The following ZCCHC18 variants were observed in gnomAD, a reference collection of about 807,000 sequenced individuals.
The protein encoded by ZCCHC18 is zinc finger CCHC domain-containing protein 18.
For missense variants in ZCCHC18, 292 were observed against 305.1 expected, an observed-to-expected ratio of 0.96 and a Z score of 0.32; for synonymous variants, 112 against 115.7, an observed-to-expected ratio of 0.97 and a Z score of 0.21.
At position 104,113,835 on chromosome X, in the gene ZCCHC18, T is replaced by A; in HGVS notation, c.-277T>A. The stretch of plus-strand genomic sequence containing the variant: ...CTAGCCCAGGGACACCTGCTAGCTC[T>A]GGAATGTTGTAATTGCCAGTCTCCT... On this transcript the variant is annotated 5_prime_UTR_variant, in exon 3 of 3. Transcript: ENST00000650639. 6.2e-6 allele frequency: 2 copies of A among 324,927 alleles called. No individual in the cohort carries two copies. Among genetic ancestry groups the A allele is most frequent in the East Asian group, 1.2e-4 (2 of 17,201 alleles). The allele number at this position is 324,927 out of a possible 1,213,427, so 26.8% of individuals were successfully genotyped here. A position where few individuals can be genotyped will look rare whatever the true frequency, so the allele number is the denominator to read the frequency against.
Position 104,113,985 on chromosome X carries a change from T to TG in ZCCHC18, c.-127_-126insG. 2.8e-6 allele frequency: 3 copies of TG among 1,084,416 alleles called. No homozygotes were observed. Among genetic ancestry groups the TG allele is most frequent in the Middle Eastern group, 5.9e-4 (2 of 3,382 alleles). The allele number at this position is 1,084,416 out of a possible 1,213,427, so 89.4% of individuals were successfully genotyped here. A position where few individuals can be genotyped will look rare whatever the true frequency, so the allele number is the denominator to read the frequency against. On this transcript the variant is annotated 5_prime_UTR_variant, in exon 3 of 3. An upstream open reading frame in the 5' UTR gains an earlier in-frame stop. Coordinates refer to ENST00000650639, the MANE Select transcript of ZCCHC18 (RefSeq NM_001143978.3). ...ATCTTATTAACCTTTTTTACTTTCCTTAGAATCCCTACTGAAATATAAGGC... is the reference window on the plus strand; with the variant it reads ...ATCTTATTAACCTTTTTTACTTTCCTGTAGAATCCCTACTGAAATATAAGGC...
At position 104,115,168 on chromosome X, in the gene ZCCHC18, G is replaced by A. The variant is rs782806420; in HGVS notation, c.1057G>A (p.Gly353Arg). Residue 353 changes from glycine (G) to arginine (R), a missense_variant, in exon 3 of 3, where the codon GGG becomes AGG. Gly to Arg is a moderately radical substitution (Grantham distance 125). Coordinates refer to ENST00000650639, the MANE Select transcript of ZCCHC18 (RefSeq NM_001143978.3). Reference sequence around the variant, plus strand: ...ATACACAACCCGCTGCTCATATTGTGGGGAGGAGGGCCACTCAAAAGAAAC... The same window carrying A: ...ATACACAACCCGCTGCTCATATTGTAGGGAGGAGGGCCACTCAAAAGAAAC... ...RKYTTRCSYC[G>R]EEGHSKETCD... 1 of 1,209,291 alleles carries A rather than the reference G, an allele frequency of 8.3e-7. No homozygotes were observed. The highest frequency in any genetic ancestry group is 1.8e-5 in the South Asian group (1 of 56,482).
chrX:104,115,377 G>C lies in ZCCHC18; in HGVS notation c.*54G>C. The C allele has an allele frequency of 1.9e-6, 2 of 1,039,112 alleles. No individual in the cohort carries two copies. The highest frequency in any genetic ancestry group is 2.6e-6 in the Non-Finnish European group (2 of 783,550). The allele number at this position is 1,039,112 out of a possible 1,213,427, so 85.6% of individuals were successfully genotyped here. On this transcript the variant is annotated 3_prime_UTR_variant, in exon 3 of 3. Transcript: ENST00000650639. ...TGACTGTATTCAGAGTCTGGTAATG[G>C]GAATAACAGGAGAGGGGGGTGGGTT... is the stretch of plus-strand genomic sequence containing the variant.
In ZCCHC18 at chrX:104,112,531, G is replaced by A. The variant is rs2075352499; in HGVS notation, c.-1201G>A. ...GTCGCCCGGCCCGTCACGCTCTTTT[G>A]TCTCAGTCGCCAGAGACTGAAAGCA... On this transcript the variant is annotated 5_prime_UTR_variant, in exon 1 of 3. Coordinates refer to ENST00000650639, the MANE Select transcript of ZCCHC18 (RefSeq NM_001143978.3). The A allele has an allele frequency of 2.6e-5, 3 of 113,784 alleles. No individual in the cohort carries two copies. The Admixed American group carries it at 2.7e-4, about 10-fold the overall frequency. The allele number at this position is 113,784 out of a possible 1,213,427, so 9.4% of individuals were successfully genotyped here.
chrX:104,115,228 G>A lies in ZCCHC18; in HGVS notation c.1117G>A (p.Glu373Lys). ...DNESNKAQVF[E>K]NLIITLQELT... ...TGAGAGCAACAAGGCCCAGGTTTTT[G>A]AGAATCTGATCATCACCCTGCAGGA... is the stretch of plus-strand genomic sequence containing the variant. Residue 373 changes from glutamate (E) to lysine (K), a missense_variant, in exon 3 of 3, where the codon GAG (glutamate) becomes AAG (lysine). Transcript: ENST00000650639. 8.3e-7 allele frequency: 1 copy of A among 1,206,167 alleles called. No individual in the cohort carries two copies. The highest frequency in any genetic ancestry group is 1.1e-6 in the Non-Finnish European group (1 of 892,492).
At position 104,114,069 on chromosome X, in the gene ZCCHC18, C is replaced by T. The variant is rs782207053; in HGVS notation, c.-43C>T. On this transcript the variant is annotated 5_prime_UTR_variant, in exon 3 of 3. Coordinates refer to ENST00000650639, the MANE Select transcript of ZCCHC18 (RefSeq NM_001143978.3). ...CTGCAGATAAGGCTTTTCCAAAAAGCGCGAGCATCTTGTTGTATTCAGATA... is the reference window on the plus strand; with the variant it reads ...CTGCAGATAAGGCTTTTCCAAAAAGTGCGAGCATCTTGTTGTATTCAGATA... 15 of 1,207,869 alleles carry T rather than the reference C, an allele frequency of 1.2e-5. No individual in the cohort carries two copies. In the East Asian group the frequency reaches 4.4e-4, roughly 36 times the overall value.
intron 2 of ZCCHC18, 92 bp from the exon 3 acceptor site, chrX:104,113,342 C>G (rs1297375072): frequency 9.0e-6 from 1 of 110,954 alleles, no homozygotes; most frequent in Non-Finnish European, 1.9e-5. Context: ...AGGGAATTTT[C>G]CGCCTGGCGA....
chrX:104,115,176 G>C lies in ZCCHC18; in HGVS notation c.1065G>C (p.Glu355Asp). 8.3e-7 allele frequency: 1 copy of C among 1,209,685 alleles called. No individual in the cohort carries two copies. Among genetic ancestry groups the C allele is most frequent in the African/African-American group, 1.7e-5 (1 of 57,724 alleles). ...CCCGCTGCTCATATTGTGGGGAGGA[G>C]GGCCACTCAAAAGAAACCTGTGACA... The part of the protein sequence containing the change: ...YTTRCSYCGE[E>D]GHSKETCDNE... The change falls in exon 3 of 3, where the codon GAG (glutamate) becomes GAC (aspartate). Residue 355 changes from glutamate (E) to aspartate (D), a missense_variant. By Grantham distance (45) the Glu-to-Asp change is conservative (BLOSUM62 2). Transcript: ENST00000650639.
At position 104,113,418 on chromosome X, in the gene ZCCHC18, C is replaced by T. The variant is rs2075359387; in HGVS notation, c.-678-16C>T. On this transcript the variant is annotated splice_polypyrimidine_tract_variant and intron_variant, in intron 2 of 2. Transcript: ENST00000650639. ...AAGCTGCTTCCAACCCTTCCTTTCC[C>T]TCCTTCGCGGCACAGTCTTGAGGCC... 9.0e-6 allele frequency: 1 copy of T among 110,866 alleles called. No individual in the cohort carries two copies. The highest frequency in any genetic ancestry group is 3.3e-5 in the African/African-American group (1 of 30,361). The allele number at this position is 110,866 out of a possible 1,213,427, so 9.1% of individuals were successfully genotyped here.
chrX:104,114,221 T>C lies in ZCCHC18; in HGVS notation c.110T>C (p.Val37Ala), dbSNP rs372054953. The C allele has an allele frequency of 2.6e-4, 311 of 1,206,077 alleles. 1 individual carries two copies. In the South Asian group the frequency reaches 4.9e-3, roughly 19 times the overall value. The change falls in exon 3 of 3, where the codon GTG becomes GCG. Residue 37 changes from valine to alanine, a missense_variant. Transcript: ENST00000650639. Reference sequence around the variant, plus strand: ...CTGGGGAGGAGTCTCTGTCCTTTAGTGGTCAAAATGGCAGAGAGAAACATG... The same window carrying C: ...CTGGGGAGGAGTCTCTGTCCTTTAGCGGTCAAAATGGCAGAGAGAAACATG... The part of the protein sequence containing the change: ...RSLGRSLCPL[V>A]VKMAERNMKL...
In ZCCHC18 at chrX:104,114,643, C is replaced by T. The variant is rs61745269; in HGVS notation, c.532C>T (p.Leu178Phe). The T allele has an allele frequency of 7.4e-3, 8,974 of 1,210,276 alleles. 390 individuals are homozygous for T. In the African/African-American group the frequency reaches 0.14, roughly 18 times the overall value. The stretch of plus-strand genomic sequence containing the variant: ...TGCAAACCAGACTCGCTTGCAACAG[C>T]TTCTTTTAGGCGCTGAGCTGAATAG... ...KDANQTRLQQ[L>F]LLGAELNRDL... is the part of the protein sequence containing the mutation. The change falls in exon 3 of 3, where the codon CTT (leucine) becomes TTT (phenylalanine). Residue 178 changes from leucine to phenylalanine, a missense_variant. By Grantham distance (22) the Leu-to-Phe change is conservative. Coordinates refer to ENST00000650639, the MANE Select transcript of ZCCHC18 (RefSeq NM_001143978.3).
chrX:104,113,792 G>T lies in ZCCHC18; in HGVS notation c.-320G>T. 1 of 248,652 alleles carries T rather than the reference G, an allele frequency of 4.0e-6. No individual in the cohort carries two copies. Among genetic ancestry groups the T allele is most frequent in the Non-Finnish European group, 7.1e-6 (1 of 139,875 alleles). The allele number at this position is 248,652 out of a possible 1,213,427, so 20.5% of individuals were successfully genotyped here. ...GTACAGGCAGGAGGGGATGGATGTG[G>T]CTCTGAAAAACTACCTACTAGCCCA... On this transcript the variant is annotated 5_prime_UTR_variant, in exon 3 of 3. Coordinates refer to ENST00000650639, the MANE Select transcript of ZCCHC18 (RefSeq NM_001143978.3).
chrX:104,114,668 G>A lies in ZCCHC18; in HGVS notation c.557G>A (p.Arg186Lys). 1 of 1,212,098 alleles carries A rather than the reference G, an allele frequency of 8.3e-7. No individual in the cohort carries two copies. The highest frequency in any genetic ancestry group is 1.1e-6 in the Non-Finnish European group (1 of 895,589). The change falls in exon 3 of 3, where the codon AGG becomes AAG. Residue 186 changes from arginine (R) to lysine (K), a missense_variant. Coordinates refer to ENST00000650639, the MANE Select transcript of ZCCHC18 (RefSeq NM_001143978.3). ...CTTCTTTTAGGCGCTGAGCTGAATA[G>A]GGACCTGCGCTTCAGGCTTAAGCAT... ...QQLLLGAELN[R>K]DLRFRLKHLL...
At position 104,115,248 on chromosome X, in the gene ZCCHC18, G is replaced by T. The variant is rs1556361025; in HGVS notation, c.1137G>T (p.Leu379=). The T allele has an allele frequency of 4.2e-6, 5 of 1,200,857 alleles. No homozygotes were observed. Among genetic ancestry groups the T allele is most frequent in the Non-Finnish European group, 1.1e-6 (1 of 889,552 alleles). Residue 379 remains leucine, a synonymous_variant, in exon 3 of 3, where the codon CTG becomes CTT. Coordinates refer to ENST00000650639, the MANE Select transcript of ZCCHC18 (RefSeq NM_001143978.3). ...AQVFENLIIT[L]QELTHTEERS... is the part of the protein sequence containing the mutation. Reference sequence around the variant, plus strand: ...TTTTTGAGAATCTGATCATCACCCTGCAGGAGCTGACACATACAGAGGAGA... The same window carrying T: ...TTTTTGAGAATCTGATCATCACCCTTCAGGAGCTGACACATACAGAGGAGA...
At position 104,113,540 on chromosome X, in the gene ZCCHC18, TAAAA is replaced by T. The variant is rs2075360112; in HGVS notation, c.-571_-568del. The stretch of plus-strand genomic sequence containing the variant: ...AGGCACCTGTTGCAGAGGCTGCACG[TAAAA>T]TAAAGGCGAACGCTAGTTTCCGAGC... On this transcript the variant is annotated 5_prime_UTR_variant, in exon 3 of 3. Transcript: ENST00000650639. 1 of 112,099 alleles carries T rather than the reference TAAAA, an allele frequency of 8.9e-6. No individual in the cohort carries two copies. The highest frequency in any genetic ancestry group is 2.8e-4 in the East Asian group (1 of 3,544). The allele number at this position is 112,099 out of a possible 1,213,427, so 9.2% of individuals were successfully genotyped here. A position where few individuals can be genotyped will look rare whatever the true frequency, so the allele number is the denominator to read the frequency against.
At position 104,115,184 on chromosome X, in the gene ZCCHC18, CA is replaced by C; in HGVS notation, c.1077del (p.Glu360LysfsTer16). On this transcript the variant is annotated frameshift_variant, in exon 3 of 3. Transcript: ENST00000650639. LOFTEE classifies it low-confidence loss of function (END_TRUNC). ...TCATATTGTGGGGAGGAGGGCCACT[CA>C]AAAGAAACCTGTGACAATGAGAGCA... ...RCSYCGEEGH[S>X]KETCDNESNK... 8.3e-7 allele frequency: 1 copy of C among 1,209,581 alleles called. No homozygotes were observed. Among genetic ancestry groups the C allele is most frequent in the Non-Finnish European group, 1.1e-6 (1 of 894,379 alleles).
At position 104,114,757 on chromosome X, in the gene ZCCHC18, A is replaced by T. The variant is rs2075368669; in HGVS notation, c.646A>T (p.Ile216Leu). 6 of 1,211,836 alleles carry T rather than the reference A, an allele frequency of 5.0e-6. No individual in the cohort carries two copies. In the East Asian group the frequency reaches 1.8e-4, roughly 36 times the overall value. Residue 216 changes from isoleucine to leucine, a missense_variant, in exon 3 of 3, where the codon ATA becomes TTA. Transcript: ENST00000650639. ...CAATTTCCTGGAGTTAATCAAGATG[A>T]TAAGGGAGGAAGAGGATTGGGATGA... is the stretch of plus-strand genomic sequence containing the variant. ...LPNFLELIKMIREEEDWDDAF... is the reference protein window; with the variant it reads ...LPNFLELIKMLREEEDWDDAF...
Position 104,114,187 on chromosome X carries a change from T to C in ZCCHC18, c.76T>C (p.Leu26=). 8.3e-7 allele frequency: 1 copy of C among 1,209,377 alleles called. No individual in the cohort carries two copies. The highest frequency in any genetic ancestry group is 2.2e-5 in the Admixed American group (1 of 45,701). Residue 26 remains leucine (L), a synonymous_variant, in exon 3 of 3, where the codon TTG becomes CTG. Transcript: ENST00000650639. ...TTTGCCGCCTTGGGCCCATTCCATG[T>C]TGAGGTCTCTGGGGAGGAGTCTCTG... ...APLPPWAHSM[L]RSLGRSLCPL...
rs1223014107 is a variant in ZCCHC18, at chrX:104,112,998, T to C, written c.-734T>C. 1 of 55,875 alleles carries C rather than the reference T, an allele frequency of 1.8e-5. No homozygotes were observed. The highest frequency in any genetic ancestry group is 2.8e-4 in the Admixed American group (1 of 3,597). 4.6% of individuals were successfully genotyped at this position (55,875 alleles called of 1,213,427 possible). A position where few individuals can be genotyped will look rare whatever the true frequency, so the allele number is the denominator to read the frequency against. ...GATAGGATTTAGGATTTGCCTGGAT[T>C]AAGGTGGGTGGGGGTGTTGTCGTAG... On this transcript the variant is annotated 5_prime_UTR_variant, in exon 1 of 3. Transcript: ENST00000650639.
Sources: allele counts gnomAD v4.1 joint callset, GRCh38; gene constraint gnomAD v4.1.1; transcripts MANE v1.5; gene names NCBI Gene and HGNC (gene_info 2026-07-23, HGNC 2026-07-21).